RERE: variants seen among roughly 807,000 people sequenced by gnomAD.
RERE encodes arginine-glutamic acid dipeptide repeats, also known as arginine-glutamic acid dipeptide repeats protein.
RERE carries 40 observed loss-of-function variants against 146.1 expected under a neutral mutation model. That is an observed-to-expected ratio of 0.27 (90% CI 0.21 to 0.36). The LOEUF (loss-of-function observed/expected upper bound fraction) is 0.36, where lower values mean the gene tolerates loss of function less well. Among genes scored for constraint, RERE ranks in the 10% least tolerant of loss-of-function variants. RERE has a pLI of 1.00. For synonymous variants in RERE, 1,003 were observed against 866.0 expected (o/e 1.16, Z -2.78); for missense variants, 1,933 against 2,138.7 (o/e 0.90, Z 1.90).
intron 7 of RERE, among the ~76,000 whole-genome samples, chr1:8,516,384 GTAA>G (rs1645419070): frequency 1.3e-5 from 2 of 151,816 alleles, no homozygotes; most frequent in Admixed American, 1.3e-4. Flanking sequence ...ATCTCCATAG[GTAA>G]TAATAATAAC....
intron 11 of RERE, among the ~76,000 whole-genome samples, chr1:8,431,540 G>A (rs1185217893): frequency 1.3e-5 from 2 of 152,058 alleles, no homozygotes; most frequent in African/African-American, 4.8e-5. Flanking sequence ...TAAATGTAAT[G>A]CGCTTGAATC....
intron 1 of RERE, among the ~76,000 whole-genome samples, chr1:8,760,566 C>G (rs1640735320): frequency 6.6e-6 from 1 of 152,136 alleles, no homozygotes; most frequent in South Asian, 2.1e-4. Flanking sequence ...AGCCCAAGAA[C>G]AGGTAACTGA....
chr1:8,550,261 C>T (rs947109950), intron 6 of RERE, among the ~76,000 whole-genome samples: 2 of 152,152 alleles, frequency 1.3e-5, no homozygotes, highest in Admixed American at 6.5e-5. Flanking sequence ...AGGTTCCCAT[C>T]ACCAAATATA....
intron 1 of RERE, among the ~76,000 whole-genome samples, chr1:8,697,350 A>T (rs1639353507): frequency 6.6e-6 from 1 of 152,120 alleles, no homozygotes; most frequent in African/African-American, 2.4e-5. Context: ...TTAATAAATA[A>T]ATACACATGT....
chr1:8,379,210 C>G (rs1413761540), intron 12 of RERE, among the ~76,000 whole-genome samples: 1 of 152,126 alleles, frequency 6.6e-6, no homozygotes, highest in Non-Finnish European at 1.5e-5. Flanking sequence ...AGGAAGAACC[C>G]TCCAGAGTCT....
chr1:8,504,917 T>C (rs1240111653), intron 8 of RERE, among the ~76,000 whole-genome samples: 2 of 152,164 alleles, frequency 1.3e-5, no homozygotes, highest in Admixed American at 1.3e-4. Flanking sequence ...ATGAGCCTCC[T>C]GGCAGAAGCA....
At chr1:8,401,840 G>GT (rs1643272073) in intron 12 of RERE, among the ~76,000 whole-genome samples, 1 of 151,940 alleles carries the variant, frequency 6.6e-6, no homozygotes, top group South Asian at 2.1e-4. Flanking sequence ...ACAACACAGT[G>GT]TAAGTGATGC....
chr1:8,353,372 A>G lies in RERE; in HGVS notation c.*1715T>C, dbSNP rs569437892. 1 of 152,330 alleles carries G rather than the reference A, an allele frequency of 6.6e-6. No homozygotes were observed. The highest frequency in any genetic ancestry group is 6.5e-5 in the Admixed American group (1 of 15,310). 9.4% of individuals were successfully genotyped at this position (152,330 alleles called of 1,614,324 possible). ...CAGTAGCTGCTGGTTTCTAGATCAA[A>G]CTATCAGCATCTCTTCCTGCTCCCT... On this transcript the variant is annotated 3_prime_UTR_variant, in exon 23 of 23. Transcript: ENST00000400908.
intron 7 of RERE, among the ~76,000 whole-genome samples, chr1:8,535,450 G>C (rs576545985): frequency 6.6e-6 from 1 of 152,248 alleles, no homozygotes; most frequent in African/African-American, 2.4e-5. Flanking sequence ...ATGTTCATAG[G>C]AACTACACAA....
intron 2 of RERE, among the ~76,000 whole-genome samples, chr1:8,627,227 T>G (rs562240485): frequency 4.6e-5 from 7 of 152,242 alleles, no homozygotes; most frequent in Non-Finnish European, 8.8e-5. Context: ...GGCAGTAAGG[T>G]GGTCTGCACT....
chr1:8,651,286 T>C (rs973434726), intron 2 of RERE, among the ~76,000 whole-genome samples: 1 of 152,072 alleles, frequency 6.6e-6, no homozygotes, highest in African/African-American at 2.4e-5. Flanking sequence ...TAAGCACACC[T>C]GTAGTCCTAG....
In RERE at chr1:8,485,110, C is replaced by T. The variant is rs142822238; in HGVS notation, c.1104+9953G>A. Among the ~76,000 whole-genome samples, 1,458 of 152,160 alleles carry T rather than the reference C, an allele frequency of 9.6e-3. 24 individuals carry two copies. Among genetic ancestry groups the T allele is most frequent in the African/African-American group, 0.034 (1,414 of 41,482 alleles). ...GATCCGGTGGCTTACTCCTGTAACC[C>T]CAGCACTTTGGGAAGCCAAGGTGGG... On this transcript the variant is annotated intron_variant, in intron 10 of 22. Transcript: ENST00000400908.
intron 12 of RERE, among the ~76,000 whole-genome samples, chr1:8,368,396 C>G (rs1195737520): frequency 6.6e-6 from 1 of 151,688 alleles, no homozygotes; most frequent in Non-Finnish European, 1.5e-5. Context: ...ATGGCGTGAA[C>G]CCGGGAAGCG....
intron 8 of RERE, among the ~76,000 whole-genome samples, chr1:8,504,178 A>G (rs1016230130): frequency 6.6e-6 from 1 of 152,220 alleles, no homozygotes; most frequent in African/African-American, 2.4e-5. Context: ...CCCAGCACCC[A>G]GTATGTAAAT....
intron 1 of RERE, among the ~76,000 whole-genome samples, chr1:8,715,623 G>C (rs1639750011): frequency 6.6e-6 from 1 of 152,012 alleles, no homozygotes; most frequent in African/African-American, 2.4e-5. Flanking sequence ...AAAGGTGACG[G>C]GCTGGCAAGG....
chr1:8,782,883 G>A (rs1385693158), intron 1 of RERE, among the ~76,000 whole-genome samples: 3 of 152,154 alleles, frequency 2.0e-5, no homozygotes, highest in Non-Finnish European at 4.4e-5. Flanking sequence ...TCCAGCCTGG[G>A]AGACACAGTG....
At chr1:8,380,761 T>C (rs1305095280) in intron 12 of RERE, 1 of 443,916 alleles carries the variant, frequency 2.3e-6, no homozygotes, top group Admixed American at 2.5e-5. Flanking sequence ...AGATTTCTCT[T>C]TAAGGTGACT....
At chr1:8,574,925 TAA>T (rs1570458309) in intron 4 of RERE, among the ~76,000 whole-genome samples, 1 of 152,230 alleles carries the variant, frequency 6.6e-6, no homozygotes, top group African/African-American at 2.4e-5. Flanking sequence ...AGACTTCAAT[TAA>T]GTCTAATTTA....
At chr1:8,761,782 C>T (rs2124531883) in intron 1 of RERE, among the ~76,000 whole-genome samples, 1 of 152,030 alleles carries the variant, frequency 6.6e-6, no homozygotes, top group Middle Eastern at 3.4e-3. Context: ...AATAGTCGGG[C>T]GTGGTGGTGC....
Sources: gnomAD v4.1 joint callset for allele counts (sites outside exome capture counted in the v4.1 genomes callset) on GRCh38, gnomAD v4.1.1 for gene constraint, MANE v1.5 for transcripts, NCBI Gene and HGNC (gene_info 2026-07-23, HGNC 2026-07-21) for gene names.